PCDHA11: variants seen among roughly 807,000 people sequenced by gnomAD.
The protein encoded by PCDHA11 is protocadherin alpha-11.
A neutral mutation model predicts 70.3 loss-of-function variants in PCDHA11; 61 were observed. The observed-to-expected ratio is 0.87, with a 90% CI of 0.71 to 1.07. The LOEUF is 1.07. Among genes scored for constraint, PCDHA11 ranks in the 50% least tolerant of loss-of-function variants. The pLI, the probability that PCDHA11 is intolerant of heterozygous loss-of-function variation, is 0.00. For synonymous variants in PCDHA11, 633 were observed against 555.1 expected (o/e 1.14, Z -1.97); for missense variants, 1,324 against 1,237.5 (o/e 1.07, Z -1.05).
intron 1 of PCDHA11, among the ~76,000 whole-genome samples, chr5:140,879,457 T>A (rs1554170803): frequency 6.6e-6 from 1 of 152,176 alleles, no homozygotes; most frequent in Non-Finnish European, 1.5e-5. Context: ...TTTGAAGTCC[T>A]AAGAGAATAC....
chr5:140,987,228 TAATA>T (rs1459014222), intron 3 of PCDHA11, among the ~76,000 whole-genome samples: 2 of 149,038 alleles, frequency 1.3e-5, no homozygotes, highest in Non-Finnish European at 3.0e-5. Flanking sequence ...AAAAAAAAAA[TAATA>T]AATAAAGAAA....
intron 1 of PCDHA11, chr5:140,928,535 G>A (rs1554205968): frequency 2.5e-6 from 4 of 1,614,224 alleles, no homozygotes; most frequent in East Asian, 2.2e-5. Context: ...GTGGTAGATA[G>A]GAATGACAAT....
rs782342308 is a variant in PCDHA11, at chr5:140,870,955, C to A, written c.1852C>A (p.Arg618Ser). 1.9e-6 allele frequency: 3 copies of A among 1,613,632 alleles called. No individual in the cohort carries two copies. The highest frequency in any genetic ancestry group is 2.5e-6 in the Non-Finnish European group (3 of 1,179,876). ...ATTGCAGCCGGCGGCGGGCGGCTCG[C>A]GCATCCCGTTCCGCGTGGGGCTGTA... ...YELQPAAGGS[R>S]IPFRVGLYTG... Residue 618 changes from arginine (R) to serine (S), a missense_variant, in exon 1 of 4, where the codon CGC becomes AGC. Physicochemically the swap from Arg to Ser is moderately radical, Grantham distance 110. Transcript: ENST00000398640.
chr5:140,883,302 A>G, intron 1 of PCDHA11: 1 of 1,614,110 alleles, frequency 6.2e-7, no homozygotes, highest in Non-Finnish European at 8.5e-7. Flanking sequence ...GATGTAAATG[A>G]TAACGCCCCA....
intron 1 of PCDHA11, among the ~76,000 whole-genome samples, chr5:140,921,897 A>G (rs1414353237): frequency 2.0e-5 from 3 of 152,124 alleles, no homozygotes; most frequent in Non-Finnish European, 2.9e-5. Flanking sequence ...AAAGGAGGAT[A>G]AATATATATT....
chr5:141,010,381 T>C lies in PCDHA11; in HGVS notation c.*444T>C. On this transcript the variant is annotated 3_prime_UTR_variant, in exon 4 of 4. Transcript: ENST00000398640. ...ACCGCGGGTATGCGAGTGCCAGATA[T>C]TGGCTGAGACGAGCCAGCTTAGACT... 2.8e-6 allele frequency: 4 copies of C among 1,442,848 alleles called. No homozygotes were observed. The highest frequency in any genetic ancestry group is 2.8e-6 in the Non-Finnish European group (3 of 1,086,990). The allele number at this position is 1,442,848 out of a possible 1,614,324, so 89.4% of individuals were successfully genotyped here.
At chr5:140,926,018 G>C (rs1489789521) in intron 1 of PCDHA11, among the ~76,000 whole-genome samples, 1 of 152,122 alleles carries the variant, frequency 6.6e-6, no homozygotes, top group Non-Finnish European at 1.5e-5. Context: ...CCAGAGTCCG[G>C]AGGCAGTTTG....
intron 1 of PCDHA11, among the ~76,000 whole-genome samples, chr5:140,902,102 GA>G (rs782818661): frequency 1.3e-5 from 2 of 151,098 alleles, no homozygotes; most frequent in Non-Finnish European, 2.9e-5. Context: ...GGAGTCTTTA[GA>G]TTTTTTTAAA....
chr5:140,971,192 A>G (rs1450514781), intron 1 of PCDHA11, among the ~76,000 whole-genome samples: 3 of 152,178 alleles, frequency 2.0e-5, no homozygotes, highest in Non-Finnish European at 4.4e-5. Context: ...GGAAGCTCAG[A>G]GGAAAGACAC....
chr5:140,896,074 A>C (rs1251086240), intron 1 of PCDHA11, among the ~76,000 whole-genome samples: 1 of 151,976 alleles, frequency 6.6e-6, no homozygotes, highest in African/African-American at 2.4e-5. Context: ...GCCTCCCAAC[A>C]TGCTGGGATT....
intron 1 of PCDHA11, chr5:140,881,297 C>T: frequency 4.3e-6 from 4 of 940,924 alleles, no homozygotes; most frequent in Non-Finnish European, 5.1e-6. Flanking sequence ...AAAATGGAAA[C>T]TTTAACCTCC....
At chr5:140,973,088 A>G (rs2096571573) in intron 1 of PCDHA11, among the ~76,000 whole-genome samples, 4 of 152,204 alleles carry the variant, frequency 2.6e-5, no homozygotes, top group African/African-American at 7.2e-5. Flanking sequence ...CTGGCACAAC[A>G]TGTAGAAATT....
intron 1 of PCDHA11, among the ~76,000 whole-genome samples, chr5:140,872,205 A>AT (rs1554166067): frequency 6.6e-6 from 1 of 151,936 alleles, no homozygotes; most frequent in Non-Finnish European, 1.5e-5. Context: ...TCATAAATTC[A>AT]TTATATATGA....
At chr5:140,949,975 A>AT (rs2153688056) in intron 1 of PCDHA11, among the ~76,000 whole-genome samples, 1 of 152,044 alleles carries the variant, frequency 6.6e-6, no homozygotes, top group South Asian at 2.1e-4. Flanking sequence ...TACAGCATAC[A>AT]TACTTAACTT....
intron 3 of PCDHA11, among the ~76,000 whole-genome samples, chr5:140,990,479 G>A (rs1227837227): frequency 3.3e-5 from 5 of 152,184 alleles, no homozygotes; most frequent in Non-Finnish European, 5.9e-5. Context: ...GTATCAAGCT[G>A]AATAGTGAGG....
intron 1 of PCDHA11, chr5:140,927,673 G>C: frequency 6.2e-7 from 1 of 1,614,224 alleles, no homozygotes; most frequent in Non-Finnish European, 8.5e-7. Flanking sequence ...CTTGGATCCA[G>C]ATGAAGGGTC....
chr5:140,891,330 T>C (rs995602420), intron 1 of PCDHA11, among the ~76,000 whole-genome samples: 1 of 152,108 alleles, frequency 6.6e-6, no homozygotes, highest in Non-Finnish European at 1.5e-5. Flanking sequence ...TGGTGGTGAT[T>C]TGTGAGATTT....
chr5:140,946,658 A>C (rs2094004902), intron 1 of PCDHA11, among the ~76,000 whole-genome samples: 1 of 147,652 alleles, frequency 6.8e-6, no homozygotes, highest in South Asian at 2.1e-4. Flanking sequence ...CAGCCATTAG[A>C]AAGAATGAAA....
intron 1 of PCDHA11, chr5:140,881,320 A>G (rs186641452): frequency 3.0e-6 from 3 of 983,610 alleles, no homozygotes; most frequent in East Asian, 1.1e-4. Context: ...GTTAAATTCT[A>G]TTTAACCAGG....
Sources: allele counts gnomAD v4.1 joint callset (sites outside exome capture counted in the v4.1 genomes callset), GRCh38; gene constraint gnomAD v4.1.1; transcripts MANE v1.5; gene names NCBI Gene and HGNC (gene_info 2026-07-23, HGNC 2026-07-21).